SYNE3: variants seen among roughly 807,000 people sequenced by gnomAD.
SYNE3 encodes the protein spectrin repeat containing nuclear envelope family member 3.
SYNE3 carries 100 observed loss-of-function variants against 111.2 expected under a neutral mutation model. That is an observed-to-expected ratio of 0.90 (90% CI 0.77 to 1.06). The LOEUF is 1.06. Ranked by LOEUF, SYNE3 falls within the 50% of genes least tolerant of loss-of-function variation. SYNE3 has a pLI of 0.00. For missense variants in SYNE3, 1,160 were observed against 1,240.3 expected (o/e 0.94, Z 0.97); for synonymous variants, 547 against 533.9 (o/e 1.02, Z -0.34).
intron 14 of SYNE3, chr14:95,438,741 C>T (rs1396232765): frequency 6.6e-6 from 2 of 303,198 alleles, no homozygotes; most frequent in African/African-American, 4.1e-5. Flanking sequence ...CTCTTCCCTG[C>T]AGGAGCTGCT....
intron 4 of SYNE3, among the ~76,000 whole-genome samples, chr14:95,459,457 C>G (rs1212911523): frequency 6.6e-6 from 1 of 152,000 alleles, no homozygotes; most frequent in African/African-American, 2.4e-5. Context: ...CTCAGCTACT[C>G]GGGAGGCTGA....
intron 4 of SYNE3, among the ~76,000 whole-genome samples, chr14:95,458,884 C>G (rs1053722910): frequency 6.6e-5 from 10 of 152,224 alleles, no homozygotes; most frequent in African/African-American, 2.4e-4. Context: ...AGCACCTATG[C>G]TAGGTGTGCA....
chr14:95,461,472 C>T (rs1887812927), intron 4 of SYNE3, among the ~76,000 whole-genome samples: 1 of 152,194 alleles, frequency 6.6e-6, no homozygotes, highest in Non-Finnish European at 1.5e-5. Flanking sequence ...TAGCCTTGGC[C>T]CTAGTCAAGA....
intron 1 of SYNE3, among the ~76,000 whole-genome samples, chr14:95,486,706 C>G (rs554607728): frequency 2.0e-5 from 3 of 152,330 alleles, no homozygotes; most frequent in Admixed American, 1.3e-4. Flanking sequence ...CTCTTTTCAA[C>G]AAGGACTTGA....
At chr14:95,458,664 G>C (rs927381024) in intron 4 of SYNE3, among the ~76,000 whole-genome samples, 8 of 152,218 alleles carry the variant, frequency 5.3e-5, no homozygotes, top group African/African-American at 1.7e-4. Context: ...CTTCATCACA[G>C]CAGTTGTCCA....
intron 17 of SYNE3, among the ~76,000 whole-genome samples, chr14:95,418,362 C>G (rs949913336): frequency 7.2e-5 from 11 of 152,134 alleles, no homozygotes; most frequent in African/African-American, 2.7e-4. Context: ...AGTTTCTCAT[C>G]TTCAGATGGG....
chr14:95,486,813 GT>G (rs1889574954), intron 1 of SYNE3, among the ~76,000 whole-genome samples: 1 of 152,092 alleles, frequency 6.6e-6, no homozygotes, highest in Non-Finnish European at 1.5e-5. Flanking sequence ...TTACACGCAA[GT>G]TTTTAAACTT....
chr14:95,432,512 G>A (rs920269033), intron 16 of SYNE3, among the ~76,000 whole-genome samples: 2 of 152,174 alleles, frequency 1.3e-5, no homozygotes, highest in Non-Finnish European at 2.9e-5. Flanking sequence ...AGGGACCTAG[G>A]AAACTTAATG....
intron 1 of SYNE3, among the ~76,000 whole-genome samples, chr14:95,514,033 G>C (rs1420563307): frequency 6.6e-6 from 1 of 151,898 alleles, no homozygotes; most frequent in Non-Finnish European, 1.5e-5. Context: ...CAGATCCTAG[G>C]AGGTGAGAGG....
intron 1 of SYNE3, among the ~76,000 whole-genome samples, chr14:95,490,617 C>A: frequency 6.6e-6 from 1 of 152,244 alleles, no homozygotes; most frequent in East Asian, 1.9e-4. Flanking sequence ...GTCCAGCAAG[C>A]CCCTGGTCAG....
At chr14:95,496,615 C>T (rs1890102071) in intron 1 of SYNE3, among the ~76,000 whole-genome samples, 3 of 152,184 alleles carry the variant, frequency 2.0e-5, no homozygotes, top group Admixed American at 1.3e-4. Flanking sequence ...TTCCCTCCTC[C>T]TCCCCTAAGA....
At chr14:95,466,328 C>A in intron 3 of SYNE3, 88 bp from the exon 4 acceptor site, 3 of 1,424,700 alleles carry the variant, frequency 2.1e-6, no homozygotes, top group Non-Finnish European at 1.9e-6. Flanking sequence ...CTCCCCAATA[C>A]TAGGGGGCTG....
chr14:95,427,842 C>G (rs942327), intron 17 of SYNE3, among the ~76,000 whole-genome samples: 67,239 of 152,032 alleles, frequency 0.44, 16,130 homozygotes, highest in Admixed American at 0.54. Flanking sequence ...TTTCTACAAT[C>G]TCTCGTCTCC....
At chr14:95,512,140 A>G (rs950154423) in intron 1 of SYNE3, among the ~76,000 whole-genome samples, 6 of 152,206 alleles carry the variant, frequency 3.9e-5, no homozygotes, top group Non-Finnish European at 8.8e-5. Flanking sequence ...TGTCTCCTAC[A>G]TTAAAGATCG....
chr14:95,458,270 T>C (rs1193959200), intron 4 of SYNE3, among the ~76,000 whole-genome samples: 1 of 152,170 alleles, frequency 6.6e-6, no homozygotes, highest in Admixed American at 6.5e-5. Context: ...TGTAGCTCTG[T>C]GGTCCAGCAG....
chr14:95,482,527 T>C, intron 1 of SYNE3, among the ~76,000 whole-genome samples: 1 of 152,200 alleles, frequency 6.6e-6, no homozygotes, highest in East Asian at 1.9e-4. Context: ...GCTCAGGTCC[T>C]AACCCAATCT....
In SYNE3 at chr14:95,413,051, T is replaced by C. The variant is rs1168039535; in HGVS notation, c.*4775A>G. 1 of 152,202 alleles carries C rather than the reference T, an allele frequency of 6.6e-6. No homozygotes were observed. The highest frequency in any genetic ancestry group is 1.5e-5 in the Non-Finnish European group (1 of 68,042). The allele number at this position is 152,202 out of a possible 1,614,324, so 9.4% of individuals were successfully genotyped here. A position where few individuals can be genotyped will look rare whatever the true frequency, so the allele number is the denominator to read the frequency against. On this transcript the variant is annotated 3_prime_UTR_variant, in exon 18 of 18. Transcript: ENST00000682763. Reference sequence around the variant, plus strand: ...AGTTGTTCCCTCGTATTGTTTCACTTGCCTTTGGTCAGTGAAAGCTTTGCC... The same window carrying C: ...AGTTGTTCCCTCGTATTGTTTCACTCGCCTTTGGTCAGTGAAAGCTTTGCC...
At chr14:95,463,247 G>C (rs901952513) in intron 4 of SYNE3, among the ~76,000 whole-genome samples, 6 of 152,186 alleles carry the variant, frequency 3.9e-5, no homozygotes, top group Non-Finnish European at 8.8e-5. Flanking sequence ...GAAAAGGTTA[G>C]AAAAAACAGC....
rs1207085859 is a variant in SYNE3 at position 95,485,881 on chromosome 14, T to C, written c.-14-10046A>G. Reference sequence around the variant, plus strand: ...CCTGCTCTGAGTCAATATTAATGAATGCAACTTCTCCCACCTCACCCCTGA... The same window carrying C: ...CCTGCTCTGAGTCAATATTAATGAACGCAACTTCTCCCACCTCACCCCTGA... On this transcript the variant is annotated intron_variant, in intron 1 of 17. Coordinates refer to ENST00000682763, the MANE Select transcript of SYNE3 (RefSeq NM_152592.6). The surrounding 1 kb of genome is among the most constrained non-coding windows in gnomAD (Gnocchi z 4.3). Among the ~76,000 whole-genome samples the C allele has an allele frequency of 6.6e-6, 1 of 152,134 alleles. No individual in the cohort carries two copies. Among genetic ancestry groups the C allele is most frequent in the Non-Finnish European group, 1.5e-5 (1 of 68,024 alleles).
Sources: gnomAD v4.1 joint callset for allele counts (sites outside exome capture counted in the v4.1 genomes callset) on GRCh38, gnomAD v4.1.1 for gene constraint, Gnocchi (gnomAD v3.1) non-coding constraint, MANE v1.5 for transcripts, NCBI Gene and HGNC (gene_info 2026-07-23, HGNC 2026-07-21) for gene names.